SLC36A1: variants seen among roughly 807,000 people sequenced by gnomAD.
The protein encoded by SLC36A1 is solute carrier family 36 member 1.
Under a neutral mutation model 47.5 loss-of-function variants are expected in SLC36A1, and 30 were observed. That is an observed-to-expected ratio of 0.63 (90% confidence interval 0.47 to 0.86). SLC36A1 has a LOEUF of 0.86. Among genes scored for constraint, SLC36A1 ranks in the 40% least tolerant of loss-of-function variants. The pLI is 0.00. For missense variants in SLC36A1, 517 were observed against 606.0 expected (o/e 0.85, Z 1.54); for synonymous variants, 255 against 249.7 (o/e 1.02, Z -0.20).
At chr5:151,463,502 A>G (rs372218278) in intron 2 of SLC36A1, 51 bp from the exon 3 acceptor site, 19 of 1,335,862 alleles carry the variant, frequency 1.4e-5, no homozygotes, top group Non-Finnish European at 2.1e-5. Flanking sequence ...TGAGATCCTA[A>G]TAAAAGTTAA....
the SLC36A1 span, chr5:151,540,477 C>T: frequency 1.7e-6 from 2 of 1,200,708 alleles, no homozygotes; most frequent in Non-Finnish European, 1.2e-6. Flanking sequence ...CTCAATCTCC[C>T]TTCTCCTGCT....
At chr5:151,463,031 A>G (rs974776242) in intron 2 of SLC36A1, among the ~76,000 whole-genome samples, 1 of 152,028 alleles carries the variant, frequency 6.6e-6, no homozygotes, top group African/African-American at 2.4e-5. Flanking sequence ...ACATGCCGCT[A>G]TGCCTGGCTA....
chr5:151,498,135 G>T, the SLC36A1 span, among the ~76,000 whole-genome samples: 9 of 151,924 alleles, frequency 5.9e-5, no homozygotes, highest in African/African-American at 2.2e-4. Context: ...AGTAGAGACG[G>T]GGTTTCACCA....
intron 1 of SLC36A1, chr5:151,452,572 T>C (rs1392317581): frequency 3.9e-5 from 6 of 152,318 alleles, no homozygotes; most frequent in African/African-American, 1.2e-4. Context: ...TAATCAAGAT[T>C]ACCTAGGAAG....
chr5:151,507,749 A>G, the SLC36A1 span: 8 of 697,970 alleles, frequency 1.1e-5, no homozygotes, highest in African/African-American at 9.0e-5. Flanking sequence ...AAAAGTAACT[A>G]TCAAGCATAT....
chr5:151,348,909 T>C, the SLC36A1 span, among the ~76,000 whole-genome samples: 1 of 152,198 alleles, frequency 6.6e-6, no homozygotes, highest in Admixed American at 6.5e-5. Flanking sequence ...CAGCACTGTC[T>C]CCTTTGTTTT....
downstream of SLC36A1, among the ~76,000 whole-genome samples, chr5:151,494,909 CTA>C (rs1329376128): frequency 1.3e-5 from 2 of 152,020 alleles, no homozygotes; most frequent in African/African-American, 4.8e-5. Context: ...CAAATATACT[CTA>C]TATTTAATTA....
the SLC36A1 span, chr5:151,505,583 A>AC: frequency 3.7e-6 from 6 of 1,614,010 alleles, no homozygotes; most frequent in Non-Finnish European, 5.1e-6. Context: ...TGACCTCCTC[A>AC]CAGCTGCCAT....
At chr5:151,499,627 A>T in the SLC36A1 span, among the ~76,000 whole-genome samples, 1 of 152,062 alleles carries the variant, frequency 6.6e-6, no homozygotes, top group Non-Finnish European at 1.5e-5. Context: ...CCCAGTCCTC[A>T]TGCCTGCCTC....
chr5:151,374,794 A>G, the SLC36A1 span, among the ~76,000 whole-genome samples: 2 of 152,020 alleles, frequency 1.3e-5, no homozygotes, highest in Non-Finnish European at 2.9e-5. Context: ...GTGATATTTC[A>G]TTGTGGTTTT....
At chr5:151,535,408 A>T in the SLC36A1 span, among the ~76,000 whole-genome samples, 1 of 151,930 alleles carries the variant, frequency 6.6e-6, no homozygotes, top group East Asian at 1.9e-4. Context: ...CCCTGGGGGA[A>T]ATAATGCTGA....
chr5:151,427,040 CAGA>C, the SLC36A1 span, among the ~76,000 whole-genome samples: 3 of 152,184 alleles, frequency 2.0e-5, no homozygotes, highest in African/African-American at 7.2e-5. Context: ...CATCTCAAGG[CAGA>C]AGAATTTTTC....
At chr5:151,544,549 G>T in the SLC36A1 span, 1 of 1,614,060 alleles carries the variant, frequency 6.2e-7, no homozygotes, top group South Asian at 1.1e-5. Context: ...CCGGGCCTGG[G>T]TGTGGAGAAT....
At chr5:151,373,538 GC>G in the SLC36A1 span, among the ~76,000 whole-genome samples, 1 of 152,006 alleles carries the variant, frequency 6.6e-6, no homozygotes, top group Non-Finnish European at 1.5e-5. Context: ...AAAATATCTT[GC>G]AAAAATGAAG....
the SLC36A1 span, chr5:151,544,687 T>C: frequency 1.2e-6 from 2 of 1,614,152 alleles, no homozygotes; most frequent in Non-Finnish European, 1.7e-6. Context: ...CGTTCCTCCA[T>C]CCCGAGCAAT....
downstream of SLC36A1, among the ~76,000 whole-genome samples, chr5:151,493,068 C>T (rs906605037): frequency 7.9e-5 from 12 of 151,988 alleles, no homozygotes; most frequent in South Asian, 4.2e-4. Context: ...CTGAAGAAAC[C>T]GGACACAACA....
the SLC36A1 span, among the ~76,000 whole-genome samples, chr5:151,351,023 G>C: frequency 6.6e-6 from 1 of 152,140 alleles, no homozygotes; most frequent in Non-Finnish European, 1.5e-5. Context: ...TCTGTGCTTT[G>C]GTGTTTCTCA....
At chr5:151,542,338 G>T in the SLC36A1 span, 1 of 1,613,710 alleles carries the variant, frequency 6.2e-7, no homozygotes. Context: ...AGCATCCAGG[G>T]TCTTTAGAGT....
At chr5:151,382,124 C>A in the SLC36A1 span, 1 of 875,966 alleles carries the variant, frequency 1.1e-6, no homozygotes. Context: ...TGACAGAGCA[C>A]GACCCTTTCA....
Sources: allele counts gnomAD v4.1 joint callset (sites outside exome capture counted in the v4.1 genomes callset), GRCh38; gene constraint gnomAD v4.1.1; transcripts MANE v1.5; gene names NCBI Gene and HGNC (gene_info 2026-07-23, HGNC 2026-07-21).